CSMD1: variants seen among roughly 807,000 people sequenced by gnomAD.
CSMD1 encodes the protein CUB and Sushi multiple domains 1.
Under a neutral mutation model 417.5 loss-of-function variants are expected in CSMD1, and 213 were observed. The observed-to-expected ratio is 0.51, with a 90% CI of 0.46 to 0.57. The LOEUF is 0.57. Ranked by LOEUF, CSMD1 falls within the 20% of genes least tolerant of loss-of-function variation. The pLI, the probability that CSMD1 is intolerant of heterozygous loss-of-function variation, is 0.00. For synonymous variants in CSMD1, 2,862 were observed against 1,736.8 expected, an observed-to-expected ratio of 1.65 and a Z score of -16.11; for missense variants, 6,923 against 4,529.7, an observed-to-expected ratio of 1.53 and a Z score of -15.17.
intron 2 of CSMD1, among the ~76,000 whole-genome samples, chr8:4,497,744 C>G (rs566278074): frequency 8.3e-4 from 127 of 152,294 alleles, no homozygotes; most frequent in Admixed American, 2.0e-3. Flanking sequence ...GCACAAAGCT[C>G]CCCGAAACAA....
At chr8:4,122,591 A>T (rs1010168868) in intron 3 of CSMD1, among the ~76,000 whole-genome samples, 1 of 152,184 alleles carries the variant, frequency 6.6e-6, no homozygotes, top group African/African-American at 2.4e-5. Context: ...ATGCCCTACA[A>T]AATTAGGGCT....
rs1189727813 is a variant in CSMD1 at position 2,951,185 on chromosome 8, C to A, written c.10130G>T (p.Trp3377Leu). Residue 3377 changes from tryptophan (W) to leucine (L), a missense_variant, in exon 66 of 70, where the codon TGG (tryptophan) becomes TTG (leucine). Coordinates refer to ENST00000635120, the MANE Select transcript of CSMD1 (RefSeq NM_033225.6). Reference protein sequence around the residue: ...KRQPATLTVDWFNATSSKVNA... With the variant: ...KRQPATLTVDLFNATSSKVNA... Reference sequence around the variant, plus strand: ...CACCTTACTGCTTGTTGCATTGAACCAGTCAACAGTTAGAGTGGCGGGTTG... The same window carrying A: ...CACCTTACTGCTTGTTGCATTGAACAAGTCAACAGTTAGAGTGGCGGGTTG... 6.2e-7 allele frequency: 1 copy of A among 1,613,454 alleles called. No individual in the cohort carries two copies. The highest frequency in any genetic ancestry group is 1.3e-5 in the African/African-American group (1 of 74,898).
intron 5 of CSMD1, among the ~76,000 whole-genome samples, chr8:3,992,906 T>A (rs2130298050): frequency 6.6e-6 from 1 of 152,380 alleles, no homozygotes; most frequent in South Asian, 2.1e-4. Context: ...CAAAGCCATT[T>A]TTCTCACAAA....
chr8:3,924,051 CCCTT>C (rs1809467960), intron 5 of CSMD1, among the ~76,000 whole-genome samples: 1 of 152,162 alleles, frequency 6.6e-6, no homozygotes, highest in Non-Finnish European at 1.5e-5. Flanking sequence ...TTGAAGGACT[CCCTT>C]TAGCGTTTCT....
At chr8:3,594,934 T>G (rs1584936585) in intron 8 of CSMD1, among the ~76,000 whole-genome samples, 1 of 152,144 alleles carries the variant, frequency 6.6e-6, no homozygotes, top group Non-Finnish European at 1.5e-5. Context: ...GAAGCAGGAA[T>G]TCAGAACATC....
intron 1 of CSMD1, among the ~76,000 whole-genome samples, chr8:4,793,253 G>A (rs1029652835): frequency 1.3e-5 from 2 of 152,016 alleles, no homozygotes; most frequent in South Asian, 2.1e-4. Context: ...ATATTTACAA[G>A]ACCTAATCTA....
intron 2 of CSMD1, among the ~76,000 whole-genome samples, chr8:4,556,779 C>T (rs954740489): frequency 6.6e-6 from 1 of 152,140 alleles, no homozygotes; most frequent in African/African-American, 2.4e-5. Flanking sequence ...ATCCAAAACA[C>T]CCAAACTTTC....
intron 27 of CSMD1, among the ~76,000 whole-genome samples, chr8:3,229,713 G>A (rs1180306034): frequency 6.6e-6 from 1 of 152,084 alleles, no homozygotes; most frequent in Non-Finnish European, 1.5e-5. Context: ...AATCAGAATA[G>A]CAATGGTAGG....
At chr8:4,977,829 GC>G (rs1810652162) in intron 1 of CSMD1, among the ~76,000 whole-genome samples, 1 of 152,190 alleles carries the variant, frequency 6.6e-6, no homozygotes, top group Non-Finnish European at 1.5e-5. Flanking sequence ...TAAGTATAGG[GC>G]TGGCCTGATA....
At chr8:3,135,054 G>C (rs1818000415) in intron 41 of CSMD1, among the ~76,000 whole-genome samples, 1 of 152,116 alleles carries the variant, frequency 6.6e-6, no homozygotes, top group Non-Finnish European at 1.5e-5. Flanking sequence ...CTCCCAAGTA[G>C]CCAGGACCAC....
chr8:3,384,696 TA>T (rs1203089788), intron 18 of CSMD1, among the ~76,000 whole-genome samples: 1,306 of 118,018 alleles, frequency 0.011, 33 homozygotes, highest in East Asian at 0.077. Context: ...TATATTTATA[TA>T]AATTATATAT....
intron 7 of CSMD1, among the ~76,000 whole-genome samples, chr8:3,657,275 A>C (rs1369882844): frequency 6.6e-6 from 1 of 152,202 alleles, no homozygotes; most frequent in Non-Finnish European, 1.5e-5. Context: ...AACAGTGAAC[A>C]ATCTGAAAAG....
chr8:4,753,487 C>T (rs1811477556), intron 1 of CSMD1, among the ~76,000 whole-genome samples: 1 of 151,518 alleles, frequency 6.6e-6, no homozygotes, highest in Non-Finnish European at 1.5e-5. Flanking sequence ...TTTTCCCCTC[C>T]ATTCTTCTTT....
intron 3 of CSMD1, among the ~76,000 whole-genome samples, chr8:4,298,284 T>C (rs1022873354): frequency 2.6e-5 from 4 of 152,186 alleles, no homozygotes; most frequent in Non-Finnish European, 2.9e-5. Context: ...GAAGTTACAA[T>C]AATAATGTTT....
intron 1 of CSMD1, among the ~76,000 whole-genome samples, chr8:4,646,462 A>T (rs954596814): frequency 2.0e-5 from 3 of 152,188 alleles, no homozygotes; most frequent in East Asian, 3.9e-4. Context: ...TAAGTAGTGC[A>T]TTTAAACTCT....
At chr8:4,624,922 G>A (rs1056332220) in intron 2 of CSMD1, among the ~76,000 whole-genome samples, 1 of 152,132 alleles carries the variant, frequency 6.6e-6, no homozygotes, top group African/African-American at 2.4e-5. Context: ...AAATTAAAGT[G>A]TGCTCCTGGT....
chr8:3,654,787 G>T (rs1042402998), intron 7 of CSMD1, among the ~76,000 whole-genome samples: 1 of 152,246 alleles, frequency 6.6e-6, no homozygotes, highest in Non-Finnish European at 1.5e-5. Context: ...CTCCCACTGG[G>T]TCTACCAGCT....
At chr8:3,621,758 T>C (rs1796251914) in intron 7 of CSMD1, among the ~76,000 whole-genome samples, 1 of 151,124 alleles carries the variant, frequency 6.6e-6, no homozygotes, top group African/African-American at 2.4e-5. Flanking sequence ...GTTTTATTAT[T>C]ATTATTATTT....
chr8:3,806,757 G>C (rs1800763588), intron 5 of CSMD1, among the ~76,000 whole-genome samples: 3 of 152,156 alleles, frequency 2.0e-5, no homozygotes, highest in South Asian at 4.1e-4. Flanking sequence ...ATGAAGACAA[G>C]TAATGCAAAA....
Sources: allele counts gnomAD v4.1 joint callset (sites outside exome capture counted in the v4.1 genomes callset), GRCh38; gene constraint gnomAD v4.1.1; transcripts MANE v1.5; gene names NCBI Gene and HGNC (gene_info 2026-07-23, HGNC 2026-07-21).